The following MCTP1 variants were observed in gnomAD, a reference collection of about 807,000 sequenced individuals.
MCTP1 encodes the protein multiple C2 and transmembrane domain-containing protein 1.
A neutral mutation model predicts 120.6 loss-of-function variants in MCTP1; 69 were observed. The observed-to-expected ratio is 0.57, with a 90% confidence interval of 0.47 to 0.70. The LOEUF (loss-of-function observed/expected upper bound fraction) is 0.70. Among genes scored for constraint, MCTP1 ranks in the 30% least tolerant of loss-of-function variants. The pLI, the probability that MCTP1 is intolerant of heterozygous loss-of-function variation, is 0.00. For synonymous variants in MCTP1, 529 were observed against 493.1 expected (o/e 1.07, Z -0.96); for missense variants, 1,203 against 1,248.8 (o/e 0.96, Z 0.55).
rs139645021 is a variant in MCTP1 at position 94,953,151 on chromosome 5, T to A, written c.981+68A>T. 1.8e-3 allele frequency: 2,622 copies of A among 1,428,800 alleles called. 4 individuals are homozygous for A. Among genetic ancestry groups the A allele is most frequent in the Non-Finnish European group, 2.4e-3 (2,484 of 1,055,120 alleles). The allele number at this position is 1,428,800 out of a possible 1,614,324, so 88.5% of individuals were successfully genotyped here. On this transcript the variant is annotated intron_variant, in intron 3 of 22. Transcript: ENST00000515393. ...AAAACTCTCATCAGACAAAGAAACA[T>A]GATAAAACCCAGTAAACAGGGATTT...
intron 1 of MCTP1, among the ~76,000 whole-genome samples, chr5:95,092,422 T>C (rs1755916931): frequency 6.6e-6 from 1 of 152,198 alleles, no homozygotes; most frequent in South Asian, 2.1e-4. Flanking sequence ...GAATACGTTC[T>C]AGTATTCTGT....
chr5:95,082,080 C>A (rs980162059), intron 1 of MCTP1, among the ~76,000 whole-genome samples: 3 of 152,080 alleles, frequency 2.0e-5, no homozygotes, highest in African/African-American at 4.8e-5. Flanking sequence ...TTTTAACATG[C>A]AAGAAGTGGC....
intron 19 of MCTP1, among the ~76,000 whole-genome samples, chr5:94,722,209 C>A (rs1761080265): frequency 6.6e-6 from 1 of 152,142 alleles, no homozygotes; most frequent in African/African-American, 2.4e-5. Context: ...TTCGAAGAAT[C>A]CTGTTCATCG....
At chr5:95,146,865 G>A (rs1466709167) in intron 1 of MCTP1, among the ~76,000 whole-genome samples, 5 of 152,188 alleles carry the variant, frequency 3.3e-5, no homozygotes, top group Middle Eastern at 3.4e-3. Context: ...GTTGTTGGGT[G>A]CAGTATTCTG....
chr5:95,169,861 A>AT (rs528413903), intron 1 of MCTP1, among the ~76,000 whole-genome samples: 4 of 151,952 alleles, frequency 2.6e-5, no homozygotes, highest in African/African-American at 7.3e-5. Flanking sequence ...GAATTCATTG[A>AT]TTTTTTTAAG....
chr5:95,126,194 C>G (rs1045744068), intron 1 of MCTP1, among the ~76,000 whole-genome samples: 2 of 152,138 alleles, frequency 1.3e-5, no homozygotes, highest in African/African-American at 4.8e-5. Context: ...ATAAGAGGGT[C>G]AACAGAGAAA....
At chr5:95,138,232 A>AAC (rs955929140) in intron 1 of MCTP1, among the ~76,000 whole-genome samples, 6 of 136,926 alleles carry the variant, frequency 4.4e-5, no homozygotes, top group Admixed American at 1.4e-4. Flanking sequence ...TGTGAGATGC[A>AAC]ACCCCCCCCC....
At chr5:94,900,392 G>A (rs1805195338) in intron 10 of MCTP1, among the ~76,000 whole-genome samples, 1 of 152,194 alleles carries the variant, frequency 6.6e-6, no homozygotes, top group South Asian at 2.1e-4. Flanking sequence ...AAAGTACTAT[G>A]GACAAGGAAA....
intron 1 of MCTP1, among the ~76,000 whole-genome samples, chr5:95,137,635 T>A (rs916384539): frequency 6.6e-6 from 1 of 152,218 alleles, no homozygotes; most frequent in East Asian, 1.9e-4. Context: ...GGCACATTTG[T>A]GGAAATCTAT....
chr5:95,196,233 T>C (rs1314444468), intron 1 of MCTP1, among the ~76,000 whole-genome samples: 1 of 152,206 alleles, frequency 6.6e-6, no homozygotes, highest in Admixed American at 6.5e-5. Flanking sequence ...AAAGTAAAGA[T>C]ACATATATGT....
intron 1 of MCTP1, among the ~76,000 whole-genome samples, chr5:95,150,032 T>C (rs1760752166): frequency 6.6e-6 from 1 of 152,180 alleles, no homozygotes; most frequent in South Asian, 2.1e-4. Flanking sequence ...TCTTAGACAA[T>C]TCACTTGGAC....
intron 1 of MCTP1, among the ~76,000 whole-genome samples, chr5:95,212,485 A>T (rs1207556977): frequency 6.6e-6 from 1 of 152,068 alleles, no homozygotes; most frequent in African/African-American, 2.4e-5. Context: ...TCAATAGAAA[A>T]AGAGGGAATC....
rs1758479253 is a variant in MCTP1, at chr5:94,714,827, A to G, written c.2670T>C (p.Ser890=). The G allele has an allele frequency of 1.2e-6, 2 of 1,613,048 alleles. No individual in the cohort carries two copies. Among genetic ancestry groups the G allele is most frequent in the Non-Finnish European group, 1.7e-6 (2 of 1,179,124 alleles). The change falls in exon 20 of 23, where the codon AGT becomes AGC. Residue 890 remains serine, a synonymous_variant. Coordinates refer to ENST00000515393, the MANE Select transcript of MCTP1 (RefSeq NM_024717.7). ...KIYAIQEVCV[S]VQNILDEVAS... ...CCACTTCATCTAGGATGTTCTGGAC[A>G]CTGACACATACCTCCTGGATGGCAT...
chr5:94,840,923 G>A (rs201297558), intron 17 of MCTP1, among the ~76,000 whole-genome samples: 3 of 152,140 alleles, frequency 2.0e-5, no homozygotes, highest in Admixed American at 2.0e-4. Context: ...ATTTTGGGGT[G>A]GGGGGAAGGT....
intron 3 of MCTP1, among the ~76,000 whole-genome samples, chr5:94,943,794 A>AT (rs1818294974): frequency 6.6e-6 from 1 of 152,024 alleles, no homozygotes; most frequent in Non-Finnish European, 1.5e-5. Context: ...GAAAAAAAAA[A>AT]CGCTACCAGA....
At chr5:95,277,445 CAAT>C (rs1759943928) in intron 1 of MCTP1, among the ~76,000 whole-genome samples, 1 of 152,192 alleles carries the variant, frequency 6.6e-6, no homozygotes, top group Non-Finnish European at 1.5e-5. Context: ...ATTGAGAAGG[CAAT>C]AATATCATTT....
chr5:95,239,923 C>T (rs780599678), intron 1 of MCTP1, among the ~76,000 whole-genome samples: 7 of 152,096 alleles, frequency 4.6e-5, no homozygotes, highest in Non-Finnish European at 1.0e-4. Flanking sequence ...TATGTTATTA[C>T]ACATTTTTAT....
intron 1 of MCTP1, among the ~76,000 whole-genome samples, chr5:95,060,184 G>C (rs934249009): frequency 1.3e-4 from 1 of 7,862 alleles, no homozygotes; most frequent in South Asian, 3.8e-3. Context: ...TCTCATCTCT[G>C]AGATGAGATC....
intron 19 of MCTP1, chr5:94,739,343 T>C (rs1219185652): frequency 3.3e-5 from 5 of 152,212 alleles, no homozygotes; most frequent in Non-Finnish European, 7.3e-5. Flanking sequence ...CATTTATTCA[T>C]ATGGTATCAC....
Sources: gnomAD v4.1 joint callset for allele counts (sites outside exome capture counted in the v4.1 genomes callset) on GRCh38, gnomAD v4.1.1 for gene constraint, MANE v1.5 for transcripts, NCBI Gene and HGNC (gene_info 2026-07-23, HGNC 2026-07-21) for gene names.